DHX57: variants seen among roughly 807,000 people sequenced by gnomAD.
DHX57 encodes putative ATP-dependent RNA helicase DHX57.
DHX57 carries 105 observed loss-of-function variants against 156.2 expected under a neutral mutation model. The observed-to-expected ratio is 0.67, with a 90% confidence interval of 0.57 to 0.79. The LOEUF (loss-of-function observed/expected upper bound fraction) is 0.79. Among genes scored for constraint, DHX57 ranks in the 30% least tolerant of loss-of-function variants. DHX57 has a pLI of 0.00. For missense variants in DHX57, 1,847 were observed against 1,661.9 expected (o/e 1.11, Z -1.94); for synonymous variants, 704 against 595.6 (o/e 1.18, Z -2.65).
chr2:38,818,726 CG>C, intron 19 of DHX57, 150 bp downstream of exon 19: 1 of 774,704 alleles, frequency 1.3e-6, no homozygotes, highest in Non-Finnish European at 2.1e-6. Flanking sequence ...TGCCACAGTG[CG>C]GGAGTCCATT....
At position 38,861,662 on chromosome 2, in the gene DHX57, C is replaced by T; in HGVS notation, c.748G>A (p.Glu250Lys). The T allele has an allele frequency of 6.2e-7, 1 of 1,614,138 alleles. No homozygotes were observed. The highest frequency in any genetic ancestry group is 2.2e-5 in the East Asian group (1 of 44,872). The change falls in exon 5 of 24, where the codon GAA becomes AAA. Residue 250 changes from glutamate (E) to lysine (K), a missense_variant. Coordinates refer to ENST00000457308, the MANE Select transcript of DHX57 (RefSeq NM_198963.3). Reference protein sequence around the residue: ...SLDECMEQRQEEAFALKSICG... With the variant: ...SLDECMEQRQKEAFALKSICG... ...ATGGACTTGAGAGCAAATGCCTCTT[C>T]CTGTCGCTGTTCCATACACTCATCC...
At chr2:38,823,416 CAA>C (rs1308202783) in intron 16 of DHX57, 147 bp from the exon 17 acceptor site, 3 of 812,310 alleles carry the variant, frequency 3.7e-6, no homozygotes, top group Non-Finnish European at 5.6e-6. Flanking sequence ...CAATAAACCA[CAA>C]AAACACTTTC....
At chr2:38,858,538 G>C (rs1673018584) in intron 6 of DHX57, 123 bp downstream of exon 6, 1 of 1,325,218 alleles carries the variant, frequency 7.5e-7, no homozygotes, top group Non-Finnish European at 1.0e-6. Context: ...TAGAAACTTT[G>C]ACCACTCAGG....
chr2:38,826,824 C>G (rs193272057), intron 14 of DHX57, 135 bp from the exon 15 acceptor site: 45 of 956,008 alleles, frequency 4.7e-5, no homozygotes, highest in Admixed American at 2.7e-4. Flanking sequence ...CCTCAGAGCT[C>G]AGCTCTTCTA....
At chr2:38,802,201 T>A (rs1002228049) in intron 23 of DHX57, among the ~76,000 whole-genome samples, 3 of 152,106 alleles carry the variant, frequency 2.0e-5, no homozygotes, top group Non-Finnish European at 2.9e-5. Context: ...CCTCACAGTG[T>A]GCTTTCTGGA....
intron 21 of DHX57, among the ~76,000 whole-genome samples, chr2:38,806,899 T>C (rs1315183228): frequency 6.8e-6 from 1 of 146,410 alleles, no homozygotes; most frequent in Non-Finnish European, 1.5e-5. Context: ...GAAGTATGAA[T>C]ATAGGTGCAG....
In DHX57 at chr2:38,798,458, C is replaced by T. The variant is rs1210942341; in HGVS notation, c.4018-16G>A. 1.2e-6 allele frequency: 2 copies of T among 1,602,880 alleles called. No individual in the cohort carries two copies. Among genetic ancestry groups the T allele is most frequent in the Non-Finnish European group, 1.7e-6 (2 of 1,175,730 alleles). The stretch of plus-strand genomic sequence containing the variant: ...GTTCAGCCACCTAAAATGAAAGCTA[C>T]AATATAAGCAGTGCTTGGAGGAACA... On this transcript the variant is annotated splice_polypyrimidine_tract_variant and intron_variant, in intron 23 of 23. Transcript: ENST00000457308.
intron 9 of DHX57, among the ~76,000 whole-genome samples, chr2:38,852,824 A>G (rs1052202511): frequency 1.3e-5 from 2 of 151,954 alleles, no homozygotes; most frequent in Non-Finnish European, 2.9e-5. Context: ...TTCTAATTTC[A>G]TAAGATAAAA....
chr2:38,813,964 G>T, intron 20 of DHX57, 69 bp from the exon 21 acceptor site: 1 of 1,543,162 alleles, frequency 6.5e-7, no homozygotes, highest in East Asian at 2.3e-5. Flanking sequence ...TTGAGATGGA[G>T]TCTTGCTCTG....
chr2:38,848,457 T>C (rs1337146911), intron 9 of DHX57, 55 bp from the exon 10 acceptor site: 1 of 1,530,354 alleles, frequency 6.5e-7, no homozygotes, highest in Non-Finnish European at 8.8e-7. Context: ...ACATGAAAAT[T>C]AGTAACTTTT....
At chr2:38,849,757 T>C (rs1672486464) in intron 9 of DHX57, among the ~76,000 whole-genome samples, 1 of 152,164 alleles carries the variant, frequency 6.6e-6, no homozygotes, top group South Asian at 2.1e-4. Flanking sequence ...CTTTTGTACA[T>C]GTTATTAATC....
intron 19 of DHX57, chr2:38,816,297 C>A (rs553679646): frequency 7.0e-5 from 32 of 454,218 alleles, no homozygotes; most frequent in African/African-American, 5.0e-4. Flanking sequence ...TTTCTGCAAC[C>A]TCTGCCTCCT....
chr2:38,828,580 A>G, intron 13 of DHX57, 144 bp from the exon 14 acceptor site: 1 of 578,768 alleles, frequency 1.7e-6, no homozygotes, highest in Non-Finnish European at 2.9e-6. Flanking sequence ...AAAATATGCA[A>G]TAATCTGAGA....
In DHX57 at chr2:38,847,043, A is replaced by C; in HGVS notation, c.2195T>G (p.Leu732Trp). The C allele has an allele frequency of 6.3e-7, 1 of 1,594,854 alleles. No homozygotes were observed. The highest frequency in any genetic ancestry group is 8.6e-7 in the Non-Finnish European group (1 of 1,166,492). ...GRTFPVDQFF[L>W]EDAIAVTRYV... ...CCTTGTCACAGCAATTGCATCTTCC[A>C]AAAAAAATTGATCAACAGGAAATGT... is the stretch of plus-strand genomic sequence containing the variant. The change falls in exon 11 of 24, where the codon TTG becomes TGG. Residue 732 changes from leucine to tryptophan, a missense_variant. Coordinates refer to ENST00000457308, the MANE Select transcript of DHX57 (RefSeq NM_198963.3).
At chr2:38,857,272 C>T (rs946379209) in intron 6 of DHX57, 1 of 152,566 alleles carries the variant, frequency 6.6e-6, no homozygotes, top group African/African-American at 2.4e-5. Flanking sequence ...CAGATTTTTA[C>T]CTAAATCAAT....
chr2:38,835,578 AT>A (rs1671609196), intron 13 of DHX57, among the ~76,000 whole-genome samples: 2 of 152,128 alleles, frequency 1.3e-5, no homozygotes, highest in African/African-American at 4.8e-5. Flanking sequence ...TTCCCTAAAT[AT>A]GTCTCTAATT....
chr2:38,843,289 C>T (rs1672108136), intron 11 of DHX57, 79 bp from the exon 12 acceptor site: 34 of 1,446,714 alleles, frequency 2.4e-5, no homozygotes, highest in Non-Finnish European at 3.1e-5. Flanking sequence ...GTTTCACGTG[C>T]TCGTTCAGCA....
In DHX57 at chr2:38,825,923, G is replaced by A. The variant is rs1671065356; in HGVS notation, c.2938C>T (p.His980Tyr). The A allele has an allele frequency of 6.2e-7, 1 of 1,614,168 alleles. No homozygotes were observed. The highest frequency in any genetic ancestry group is 2.2e-5 in the East Asian group (1 of 44,890). ...SGVCFHLFTS[H>Y]HYNHQLLKQQ... ...TTTAAAAGCTGGTGATTGTAGTGAT[G>A]GCTAGTGAATAAATGGAAGCAGACC... Residue 980 changes from histidine (H) to tyrosine (Y), a missense_variant, in exon 16 of 24, where the codon CAT (histidine) becomes TAT (tyrosine). Transcript: ENST00000457308.
rs1558397936 is a variant in DHX57 at position 38,856,426 on chromosome 2, CCT to C, written c.1621_1622del (p.Arg541AlafsTer14). On this transcript the variant is annotated frameshift_variant, in exon 7 of 24. Coordinates refer to ENST00000457308, the MANE Select transcript of DHX57 (RefSeq NM_198963.3). LOFTEE classifies it high-confidence loss of function. ...SRQFQSILQERQSLPAWEERE... is the reference protein window; with the variant it reads ...SRQFQSILQEXQSLPAWEERE... Reference sequence around the variant, plus strand: ...TTTCTTCCCAAGCAGGGAGTGATTGCCTCTCTTGCAGAATGGACTGGAACTGT... The same window carrying C: ...TTTCTTCCCAAGCAGGGAGTGATTGCCTCTTGCAGAATGGACTGGAACTGT... 1.2e-6 allele frequency: 2 copies of C among 1,613,858 alleles called. No individual in the cohort carries two copies. The highest frequency in any genetic ancestry group is 2.2e-5 in the East Asian group (1 of 44,866).
Sources: gnomAD v4.1 joint callset for allele counts (sites outside exome capture counted in the v4.1 genomes callset) on GRCh38, gnomAD v4.1.1 for gene constraint, MANE v1.5 for transcripts, NCBI Gene and HGNC (gene_info 2026-07-23, HGNC 2026-07-21) for gene names.